Variants in DOP1A observed in about 807,000 individuals in gnomAD.
The protein encoded by DOP1A is protein DOP1A.
DOP1A carries 90 observed loss-of-function variants against 267.6 expected under a neutral mutation model. That is an observed-to-expected ratio of 0.34 (90% confidence interval 0.28 to 0.40). DOP1A has a LOEUF of 0.40. DOP1A is among the 10% of genes least tolerant of loss of function. The pLI is 1.00. For synonymous variants in DOP1A, 932 were observed against 999.1 expected, an observed-to-expected ratio of 0.93 and a Z score of 1.27; for missense variants, 2,437 against 2,900.4, an observed-to-expected ratio of 0.84 and a Z score of 3.67.
At position 83,159,891 on chromosome 6, in the gene DOP1A, A is replaced by C. The variant is rs373490487; in HGVS notation, c.6893A>C (p.Tyr2298Ser). 5.1e-5 allele frequency: 82 copies of C among 1,613,976 alleles called. No individual in the cohort carries two copies. The highest frequency in any genetic ancestry group is 6.6e-5 in the Non-Finnish European group (78 of 1,180,032). Residue 2298 changes from tyrosine to serine, a missense_variant, in exon 37 of 39, where the codon TAT becomes TCT. Tyr to Ser is a moderately radical substitution (Grantham distance 144). Around this residue, in one of 9 missense-constraint regions of DOP1A, gnomAD observed 197 missense variants for 246.5 expected, o/e 0.80. Transcript: ENST00000349129. ...SYNSQRWLNL[Y>S]LSACKFLDLA... ...AACAGCCAGCGGTGGTTAAACCTCT[A>C]TCTCTCTGCTTGCAAATTTTTGGAT...
downstream of DOP1A, chr6:83,170,309 G>T (rs759691363): frequency 6.2e-7 from 1 of 1,613,964 alleles, no homozygotes; most frequent in South Asian, 1.1e-5. Context: ...GCTTACTTGT[G>T]AGTCTGCTTC....
intron 4 of DOP1A, among the ~76,000 whole-genome samples, chr6:83,108,221 C>G (rs1201586333): frequency 6.6e-6 from 1 of 152,146 alleles, no homozygotes; most frequent in Non-Finnish European, 1.5e-5. Flanking sequence ...ACTCTGTCAC[C>G]CTGGCTGGAG....
At chr6:83,164,993 CTCTT>C in intron 38 of DOP1A, 1 of 344,490 alleles carries the variant, frequency 2.9e-6, no homozygotes, top group Non-Finnish European at 5.2e-6. Flanking sequence ...AAAAGTCCCT[CTCTT>C]AAAGGCTCAT....
chr6:83,165,824 A>G, intron 38 of DOP1A: 2 of 317,772 alleles, frequency 6.3e-6, no homozygotes, highest in South Asian at 5.8e-5. Context: ...TCTGGTGGCC[A>G]ATGCCGGCTG....
At chr6:83,156,707 A>C (rs1782877235) in intron 34 of DOP1A, among the ~76,000 whole-genome samples, 1 of 152,216 alleles carries the variant, frequency 6.6e-6, no homozygotes, top group Non-Finnish European at 1.5e-5. Context: ...CCAACATGGG[A>C]ACATGATAGT....
intron 4 of DOP1A, among the ~76,000 whole-genome samples, chr6:83,108,454 A>G (rs1182154870): frequency 6.6e-6 from 1 of 152,236 alleles, no homozygotes; most frequent in Non-Finnish European, 1.5e-5. Context: ...CTTGGATTAC[A>G]GGCATGAGCC....
chr6:83,128,813 A>G (rs1486435127), intron 15 of DOP1A, 74 bp from the exon 16 acceptor site: 1 of 1,478,516 alleles, frequency 6.8e-7, no homozygotes, highest in Non-Finnish European at 9.0e-7. Flanking sequence ...AAACATCTCA[A>G]AAGTGGTCAT....
chr6:83,099,668 C>T (rs2128131222), intron 3 of DOP1A, among the ~76,000 whole-genome samples: 1 of 149,946 alleles, frequency 6.7e-6, no homozygotes, highest in Admixed American at 6.7e-5. Context: ...TAGAACAAGG[C>T]AAGGATTGCA....
intron 1 of DOP1A, among the ~76,000 whole-genome samples, chr6:83,086,901 G>GTTTTAA (rs1232597795): frequency 2.0e-5 from 3 of 150,854 alleles, no homozygotes; most frequent in Non-Finnish European, 4.4e-5. Context: ...AAGGCTATGG[G>GTTTTAA]TTTTAATTTT....
rs766485979 is a variant in DOP1A, at chr6:83,138,152, C to G, written c.4110C>G (p.Leu1370=). Residue 1370 remains leucine, a synonymous_variant, in exon 21 of 39, where the codon CTC becomes CTG. Transcript: ENST00000349129. ...FNIHPLYQHV[L]LYLQLYDSSR... is the part of the protein sequence containing the mutation. ...TTCATCCTCTCTATCAACATGTGCT[C>G]CTGTATCTCCAGTTGTATGATTCAT... 1 of 1,613,924 alleles carries G rather than the reference C, an allele frequency of 6.2e-7. No individual in the cohort carries two copies. The highest frequency in any genetic ancestry group is 1.7e-5 in the Admixed American group (1 of 59,984).
intron 3 of DOP1A, among the ~76,000 whole-genome samples, chr6:83,097,587 A>T (rs955927212): frequency 9.2e-5 from 14 of 152,244 alleles, no homozygotes; most frequent in Non-Finnish European, 1.5e-4. Flanking sequence ...AGGCGAGTAT[A>T]TACAAGCAGT....
intron 4 of DOP1A, among the ~76,000 whole-genome samples, chr6:83,108,610 G>T (rs967825708): frequency 6.6e-6 from 1 of 152,188 alleles, no homozygotes; most frequent in Non-Finnish European, 1.5e-5. Context: ...GAAATTGACA[G>T]TTATTACAGG....
chr6:83,073,846 C>A (rs1156443485), intron 1 of DOP1A, among the ~76,000 whole-genome samples: 17 of 152,188 alleles, frequency 1.1e-4, no homozygotes. Context: ...CTTCACAGGT[C>A]TGCTTTGAGT....
At chr6:83,100,467 C>T (rs959560373) in intron 3 of DOP1A, among the ~76,000 whole-genome samples, 4 of 152,044 alleles carry the variant, frequency 2.6e-5, no homozygotes, top group African/African-American at 9.7e-5. Flanking sequence ...TGGAAAATAT[C>T]ATTTTTCATT....
chr6:83,084,486 C>A (rs1030952785), intron 1 of DOP1A, among the ~76,000 whole-genome samples: 2 of 152,186 alleles, frequency 1.3e-5, no homozygotes, highest in African/African-American at 2.4e-5. Flanking sequence ...AAACTTTTTC[C>A]AAATTTTTCT....
At chr6:83,071,763 A>G (rs149841240) in intron 1 of DOP1A, among the ~76,000 whole-genome samples, 33 of 152,296 alleles carry the variant, frequency 2.2e-4, no homozygotes, top group Non-Finnish European at 3.5e-4. Flanking sequence ...CTTGAATCAG[A>G]TATGTCTTTA....
At chr6:83,090,266 G>A (rs556176065) in intron 1 of DOP1A, among the ~76,000 whole-genome samples, 114 of 152,276 alleles carry the variant, frequency 7.5e-4, no homozygotes, top group African/African-American at 2.3e-3. Flanking sequence ...AAGGAAAACT[G>A]GTTTGACAAA....
At chr6:83,121,178 G>T (rs952644987) in intron 10 of DOP1A, among the ~76,000 whole-genome samples, 1 of 151,634 alleles carries the variant, frequency 6.6e-6, no homozygotes, top group Non-Finnish European at 1.5e-5. Context: ...TATTTTGCAT[G>T]TTCTCTCTTT....
intron 27 of DOP1A, among the ~76,000 whole-genome samples, chr6:83,150,539 A>G (rs1420482027): frequency 6.6e-6 from 1 of 152,290 alleles, no homozygotes; most frequent in Non-Finnish European, 1.5e-5. Context: ...TTGTCAGTTT[A>G]CCTTTTTGCC....
Sources: gnomAD v4.1 joint callset for allele counts (sites outside exome capture counted in the v4.1 genomes callset) on GRCh38, gnomAD v4.1.1 for gene constraint, gnomAD v4.1.1 regional missense constraint, MANE v1.5 for transcripts, NCBI Gene and HGNC (gene_info 2026-07-23, HGNC 2026-07-21) for gene names.